The following KCNQ5 variants were observed in gnomAD, a reference collection of about 807,000 sequenced individuals.
KCNQ5 encodes potassium voltage-gated channel subfamily Q member 5, also known as potassium voltage-gated channel subfamily KQT member 5.
A neutral mutation model predicts 98.2 loss-of-function variants in KCNQ5; 30 were observed. That is an observed-to-expected ratio of 0.31 (90% confidence interval 0.23 to 0.41). KCNQ5 has a LOEUF of 0.41. Ranked by LOEUF, KCNQ5 falls within the 10% of genes least tolerant of loss-of-function variation. The pLI is 1.00. For synonymous variants in KCNQ5, 458 were observed against 449.4 expected (o/e 1.02, Z -0.24); for missense variants, 835 against 1,182.5 (o/e 0.71, Z 4.31).
intron 5 of KCNQ5, among the ~76,000 whole-genome samples, chr6:73,083,643 T>C (rs1773868121): frequency 6.6e-6 from 1 of 152,240 alleles, no homozygotes; most frequent in African/African-American, 2.4e-5. Flanking sequence ...ATATGCAGCA[T>C]ATAAGTCTCT....
rs558615104 is a variant in KCNQ5 at position 73,195,605 on chromosome 6, C to T, written c.*191C>T. ...GGATGGCTAAAATTCCAAGGTGCAT[C>T]GACATTAACCCACTCATTTAGTAAT... On this transcript the variant is annotated 3_prime_UTR_variant, in exon 14 of 14. Transcript: ENST00000370398. 1.7e-5 allele frequency: 11 copies of T among 663,286 alleles called. No individual in the cohort carries two copies. Among genetic ancestry groups the T allele is most frequent in the Non-Finnish European group, 2.2e-5 (9 of 401,914 alleles). The allele number at this position is 663,286 out of a possible 1,614,324, so 41.1% of individuals were successfully genotyped here.
At chr6:73,151,632 TA>T (rs1486231661) in intron 10 of KCNQ5, among the ~76,000 whole-genome samples, 1 of 152,222 alleles carries the variant, frequency 6.6e-6, no homozygotes, top group African/African-American at 2.4e-5. Context: ...TTCCACAAGG[TA>T]AATTGCGTCA....
intron 1 of KCNQ5, among the ~76,000 whole-genome samples, chr6:72,633,005 A>G (rs996083274): frequency 6.6e-6 from 1 of 152,210 alleles, no homozygotes; most frequent in Admixed American, 6.5e-5. Flanking sequence ...AGAAATCTCC[A>G]AATTGCTTTC....
At chr6:72,970,294 C>T (rs1193123588) in intron 1 of KCNQ5, among the ~76,000 whole-genome samples, 1 of 151,894 alleles carries the variant, frequency 6.6e-6, no homozygotes, top group Non-Finnish European at 1.5e-5. Context: ...GAAACTAGTC[C>T]CCCATAATTC....
chr6:72,980,570 T>G (rs1333161449), intron 1 of KCNQ5, among the ~76,000 whole-genome samples: 1 of 152,190 alleles, frequency 6.6e-6, no homozygotes, highest in African/African-American at 2.4e-5. Flanking sequence ...AAGGAGATTT[T>G]GGGCTGAGAG....
intron 1 of KCNQ5, among the ~76,000 whole-genome samples, chr6:72,857,117 C>T (rs192714432): frequency 8.7e-4 from 133 of 152,326 alleles, no homozygotes; most frequent in Non-Finnish European, 1.6e-3. Context: ...ACAATCTGTG[C>T]ATGACTGCCT....
At chr6:72,736,447 G>A (rs1224348234) in intron 1 of KCNQ5, among the ~76,000 whole-genome samples, 1 of 151,022 alleles carries the variant, frequency 6.6e-6, no homozygotes, top group East Asian at 1.9e-4. Flanking sequence ...AATATAAAAT[G>A]AGAAAGTGTA....
chr6:72,896,338 G>A lies in KCNQ5; in HGVS notation c.399-107570G>A, dbSNP rs558876885. On this transcript the variant is annotated intron_variant, in intron 1 of 13. Transcript: ENST00000370398. ...ACTGTACCTTAAAAGTACCCTATGT[G>A]GATTATTTACCTAGTAAATTGTATT... 1.1e-4 allele frequency among the ~76,000 whole-genome samples: 16 copies of A among 151,786 alleles called. No individual in the cohort carries two copies. In the East Asian group the frequency reaches 2.9e-3, roughly 28 times the overall value.
At chr6:72,774,865 C>T (rs1398135439) in intron 1 of KCNQ5, among the ~76,000 whole-genome samples, 1 of 152,164 alleles carries the variant, frequency 6.6e-6, no homozygotes, top group Non-Finnish European at 1.5e-5. Context: ...GACTTGTACC[C>T]TGCTGGTGAC....
chr6:72,735,830 T>A (rs985994879), intron 1 of KCNQ5, among the ~76,000 whole-genome samples: 1 of 152,092 alleles, frequency 6.6e-6, no homozygotes, highest in Admixed American at 6.5e-5. Flanking sequence ...ATAAAGGCTT[T>A]GTTTATATAA....
intron 1 of KCNQ5, among the ~76,000 whole-genome samples, chr6:72,623,100 C>G (rs945958154): frequency 1.3e-5 from 2 of 152,052 alleles, no homozygotes. Context: ...TTGGAGAGAG[C>G]TGCTAGGTTT....
At chr6:72,691,451 T>G (rs1402077179) in intron 1 of KCNQ5, among the ~76,000 whole-genome samples, 1 of 152,222 alleles carries the variant, frequency 6.6e-6, no homozygotes, top group Non-Finnish European at 1.5e-5. Flanking sequence ...AGTTAGCAGA[T>G]GAAAATAAGG....
chr6:73,056,316 G>A (rs1260499994), intron 3 of KCNQ5, among the ~76,000 whole-genome samples: 1 of 151,958 alleles, frequency 6.6e-6, no homozygotes, highest in African/African-American at 2.4e-5. Flanking sequence ...TGTGACAACT[G>A]TTTCCTCCCT....
Position 72,987,090 on chromosome 6 carries a change from C to A in KCNQ5, c.399-16818C>A, listed in dbSNP as rs573380931. On this transcript the variant is annotated intron_variant, in intron 1 of 13. Coordinates refer to ENST00000370398, the MANE Select transcript of KCNQ5 (RefSeq NM_019842.4). The stretch of plus-strand genomic sequence containing the variant: ...CCCTAGGAAAGGAAGTAAAACGAAG[C>A]CAAAGTTGAGGCTCCGGAATACATC... 348 of 671,580 alleles carry A rather than the reference C, an allele frequency of 5.2e-4. 4 individuals carry two copies. The South Asian group carries it at 6.1e-3, about 12-fold the overall frequency. The allele number at this position is 671,580 out of a possible 1,614,324, so 41.6% of individuals were successfully genotyped here. A position where few individuals can be genotyped will look rare whatever the true frequency, so the allele number is the denominator to read the frequency against.
At position 73,195,280 on chromosome 6, in the gene KCNQ5, G is replaced by A. The variant is rs750000204; in HGVS notation, c.2665G>A (p.Ala889Thr). 2.0e-5 allele frequency: 32 copies of A among 1,614,052 alleles called. No individual in the cohort carries two copies. Among genetic ancestry groups the A allele is most frequent in the South Asian group, 1.6e-4 (15 of 91,090 alleles). Residue 889 changes from alanine to threonine, a missense_variant, in exon 14 of 14, where the codon GCA becomes ACA. Ala to Thr is a moderately conservative substitution (Grantham distance 58, BLOSUM62 0). Around this residue, in one of 10 missense-constraint regions of KCNQ5, gnomAD observed 416 missense variants for 446.9 expected, o/e 0.93. Transcript: ENST00000370398. ...EETETDTFDAAPQPAREAAFA... is the reference protein window; with the variant it reads ...EETETDTFDATPQPAREAAFA... ...GACAGAGACAGACACTTTTGATGCC[G>A]CACCGCAGCCTGCCAGGGAAGCTGC...
intron 10 of KCNQ5, among the ~76,000 whole-genome samples, chr6:73,154,672 C>T (rs932971676): frequency 1.7e-4 from 26 of 152,100 alleles, no homozygotes; most frequent in African/African-American, 3.4e-4. Context: ...AAAATAAACA[C>T]GCAGCATACT....
intron 1 of KCNQ5, among the ~76,000 whole-genome samples, chr6:72,945,458 G>GT (rs775347849): frequency 0.024 from 2,729 of 111,662 alleles, 48 homozygotes; most frequent in African/African-American, 0.049. Context: ...CTGTGTCCAT[G>GT]TTTTTTTTTT....
intron 10 of KCNQ5, among the ~76,000 whole-genome samples, chr6:73,137,801 C>T (rs1011944394): frequency 8.5e-5 from 13 of 152,162 alleles, no homozygotes; most frequent in Non-Finnish European, 1.8e-4. Context: ...TTGAATTTCA[C>T]GGTCCTCCTA....
chr6:72,977,385 G>C (rs890127017), intron 1 of KCNQ5, among the ~76,000 whole-genome samples: 3 of 152,202 alleles, frequency 2.0e-5, no homozygotes, highest in Non-Finnish European at 4.4e-5. Flanking sequence ...GCAGGAAACA[G>C]AAACCAGCCG....
Sources: gnomAD v4.1 joint callset for allele counts (sites outside exome capture counted in the v4.1 genomes callset) on GRCh38, gnomAD v4.1.1 for gene constraint, gnomAD v4.1.1 regional missense constraint, MANE v1.5 for transcripts, NCBI Gene and HGNC (gene_info 2026-07-23, HGNC 2026-07-21) for gene names.